The following MGST3 variants were observed in gnomAD, a reference collection of about 807,000 sequenced individuals.
The protein encoded by MGST3 is glutathione S-transferase 3, mitochondrial.
A neutral mutation model predicts 15.8 loss-of-function variants in MGST3; 13 were observed. That is an observed-to-expected ratio of 0.82 (90% CI 0.54 to 1.31). MGST3 has a LOEUF of 1.31. Ranked by LOEUF, MGST3 falls within the 50% of genes most tolerant of loss-of-function variation. The probability of loss-of-function intolerance (pLI) is 0.00; values close to 1 mark genes in which losing one functional copy is unlikely to be tolerated. For missense variants in MGST3, 155 were observed against 192.4 expected, an observed-to-expected ratio of 0.81 and a Z score of 1.15; for synonymous variants, 49 against 68.1, an observed-to-expected ratio of 0.72 and a Z score of 1.38.
intron 1 of MGST3, among the ~76,000 whole-genome samples, chr1:165,632,665 T>C (rs1571145421): frequency 6.6e-6 from 1 of 152,096 alleles, no homozygotes; most frequent in African/African-American, 2.4e-5. Context: ...GCAGGGAGAC[T>C]GTCGCCAACT....
intron 1 of MGST3, chr1:165,647,953 C>G (rs1648452404): frequency 6.6e-6 from 1 of 152,222 alleles, no homozygotes; most frequent in Admixed American, 6.5e-5. Flanking sequence ...AGCCACCATG[C>G]TTAGGTGGCA....
chr1:165,634,206 T>C (rs915296878), intron 1 of MGST3, among the ~76,000 whole-genome samples: 4 of 152,122 alleles, frequency 2.6e-5, no homozygotes, highest in African/African-American at 9.7e-5. Context: ...TTCAACCTCA[T>C]TGAGAGACAA....
chr1:165,632,368 C>A (rs2101711467), intron 1 of MGST3: 4 of 1,359,614 alleles, frequency 2.9e-6, no homozygotes, highest in Admixed American at 3.4e-5. Context: ...CTTGGGAAAT[C>A]TGTAGATCAC....
At chr1:165,632,237 G>T (rs1647974540) in intron 1 of MGST3, 1 of 1,612,642 alleles carries the variant, frequency 6.2e-7, no homozygotes, top group African/African-American at 1.3e-5. Flanking sequence ...CTGGGGACAG[G>T]AGATGCCCTG....
At chr1:165,638,277 G>A (rs533213447) in intron 1 of MGST3, among the ~76,000 whole-genome samples, 11 of 151,986 alleles carry the variant, frequency 7.2e-5, no homozygotes, top group Non-Finnish European at 1.3e-4. Flanking sequence ...TCAGGAGTTC[G>A]AGACCAGCCT....
Position 165,649,819 on chromosome 1 carries a change from C to T in MGST3, c.-7-22C>T, listed in dbSNP as rs377269635. 1.4e-5 allele frequency: 23 copies of T among 1,613,572 alleles called. No homozygotes were observed. The African/African-American group carries it at 2.9e-4, about 21-fold the overall frequency. On this transcript the variant is annotated intron_variant, in intron 1 of 5. Transcript: ENST00000367889. ...ATAGCCACAGTGCTGGGGGCCGTCCCAACGTGTTCTTTCTTCCACAGACGC... is the reference window on the plus strand; with the variant it reads ...ATAGCCACAGTGCTGGGGGCCGTCCTAACGTGTTCTTTCTTCCACAGACGC...
intron 4 of MGST3, 158 bp from the exon 5 acceptor site, chr1:165,654,121 T>A: frequency 1.4e-6 from 1 of 719,938 alleles, no homozygotes; most frequent in Non-Finnish European, 2.5e-6. Flanking sequence ...ATTTTCCCGC[T>A]GAAACTAACT....
At chr1:165,639,539 A>G (rs1648207638) in intron 1 of MGST3, among the ~76,000 whole-genome samples, 1 of 152,196 alleles carries the variant, frequency 6.6e-6, no homozygotes, top group Admixed American at 6.5e-5. Context: ...GCGGTGGCCC[A>G]TGCTTGTAAT....
chr1:165,649,917 C>T lies in MGST3; in HGVS notation c.70C>T (p.His24Tyr). 1 of 1,614,126 alleles carries T rather than the reference C, an allele frequency of 6.2e-7. No homozygotes were observed. Among genetic ancestry groups the T allele is most frequent in the South Asian group, 1.1e-5 (1 of 91,082 alleles). ...TGCTGCCAGCTTTATAATGGTGGCCCACCTAGCCATCAATGTTTCCAAGGC... is the reference window on the plus strand; with the variant it reads ...TGCTGCCAGCTTTATAATGGTGGCCTACCTAGCCATCAATGTTTCCAAGGC... ...TGAASFIMVA[H>Y]LAINVSKARK... Residue 24 changes from histidine to tyrosine, a missense_variant, in exon 2 of 6, where the codon CAC becomes TAC. By Grantham distance (83) the His-to-Tyr change is moderately conservative (BLOSUM62 2). Transcript: ENST00000367889.
At chr1:165,654,066 C>A (rs1488517167) in intron 4 of MGST3, 1 of 554,994 alleles carries the variant, frequency 1.8e-6, no homozygotes, top group Non-Finnish European at 3.3e-6. Flanking sequence ...ACTCATCTCC[C>A]AGGTCCACAA....
chr1:165,641,847 A>G (rs1265722210), intron 1 of MGST3, among the ~76,000 whole-genome samples: 1 of 152,246 alleles, frequency 6.6e-6, no homozygotes, highest in Non-Finnish European at 1.5e-5. Flanking sequence ...GAGTAAAAAC[A>G]TTTAGGATCT....
rs4290038 is a variant in MGST3 at position 165,639,668 on chromosome 1, T to A, written c.-8+8375T>A. Among the ~76,000 whole-genome samples, 1,499 of 152,188 alleles carry A rather than the reference T, an allele frequency of 9.8e-3. 52 individuals are homozygous for A. Among genetic ancestry groups the A allele is most frequent in the Admixed American group, 0.059 (905 of 15,286 alleles). On this transcript the variant is annotated intron_variant, in intron 1 of 5. Transcript: ENST00000367889. Reference sequence around the variant, plus strand: ...AAATACAAAAATTAGCTGGGTGTAGTGACATGTGCCTGTGATCCCAGCTAC... The same window carrying A: ...AAATACAAAAATTAGCTGGGTGTAGAGACATGTGCCTGTGATCCCAGCTAC...
At chr1:165,636,305 A>AGCAGGGATTACAGGTGT (rs1648112524) in intron 1 of MGST3, among the ~76,000 whole-genome samples, 1 of 152,182 alleles carries the variant, frequency 6.6e-6, no homozygotes, top group South Asian at 2.1e-4. Context: ...CCTCCCAAGT[A>AGCAGGGATTACAGGTGT]GCAGGGATTA....
chr1:165,651,481 G>T lies in MGST3; in HGVS notation c.191+394G>T, dbSNP rs541391074. 5 of 342,842 alleles carry T rather than the reference G, an allele frequency of 1.5e-5. No individual in the cohort carries two copies. The East Asian group carries it at 3.6e-4, about 25-fold the overall frequency. 21.2% of individuals were successfully genotyped at this position (342,842 alleles called of 1,614,324 possible). A position where few individuals can be genotyped will look rare whatever the true frequency, so the allele number is the denominator to read the frequency against. The stretch of plus-strand genomic sequence containing the variant: ...GTTAGATGTGAGGTCCTTTTACTCA[G>T]CATGTTCCAAGTGACCTCTAATCCC... On this transcript the variant is annotated intron_variant, in intron 3 of 5. Coordinates refer to ENST00000367889, the MANE Select transcript of MGST3 (RefSeq NM_004528.4).
At chr1:165,637,321 G>GA (rs2101714883) in intron 1 of MGST3, among the ~76,000 whole-genome samples, 1 of 152,294 alleles carries the variant, frequency 6.6e-6, no homozygotes, top group East Asian at 1.9e-4. Context: ...AGAGAGAGCT[G>GA]AAAGACATAA....
At chr1:165,652,436 AGCTT>A (rs1390736427) in intron 4 of MGST3, among the ~76,000 whole-genome samples, 1 of 151,916 alleles carries the variant, frequency 6.6e-6, no homozygotes, top group Non-Finnish European at 1.5e-5. Context: ...GGTTTCATAG[AGCTT>A]GCCTTTTTGT....
rs9333434 is a variant in MGST3 at position 165,642,290 on chromosome 1, A to G, written c.-7-7551A>G. On this transcript the variant is annotated intron_variant, in intron 1 of 5. Transcript: ENST00000367889. ...GCCTGAATAAGTAAATGAATGCACG[A>G]TCACCCTCATGCAGTGCTGAGCAGT... is the stretch of plus-strand genomic sequence containing the variant. Among the ~76,000 whole-genome samples, 1,501 of 152,330 alleles carry G rather than the reference A, an allele frequency of 9.9e-3. 52 individuals are homozygous for G. The highest frequency in any genetic ancestry group is 0.059 in the Admixed American group (906 of 15,308).
intron 1 of MGST3, among the ~76,000 whole-genome samples, chr1:165,640,495 C>A (rs1226147367): frequency 6.6e-6 from 1 of 151,892 alleles, no homozygotes; most frequent in Non-Finnish European, 1.5e-5. Context: ...TGTTTTTGCT[C>A]AGAACAGTGG....
At chr1:165,634,452 C>T (rs748623590) in intron 1 of MGST3, among the ~76,000 whole-genome samples, 14 of 152,122 alleles carry the variant, frequency 9.2e-5, no homozygotes, top group South Asian at 6.2e-4. Flanking sequence ...ATACTGTGCA[C>T]GGTGGTAATA....
Sources: allele counts gnomAD v4.1 joint callset (sites outside exome capture counted in the v4.1 genomes callset), GRCh38; gene constraint gnomAD v4.1.1; transcripts MANE v1.5; gene names NCBI Gene and HGNC (gene_info 2026-07-23, HGNC 2026-07-21).